The following NLGN4Y variants were observed in gnomAD, a reference collection of about 807,000 sequenced individuals.
NLGN4Y encodes neuroligin-4, Y-linked.
A neutral mutation model predicts 8.4 loss-of-function variants in NLGN4Y; 4 were observed. That is an observed-to-expected ratio of 0.48 (90% CI 0.23 to 1.09). NLGN4Y has a LOEUF of 1.09. NLGN4Y is among the 50% of genes least tolerant of loss of function. NLGN4Y has a pLI of 0.19. For synonymous variants in NLGN4Y, 35 were observed against 75.6 expected (o/e 0.46, Z 2.78); for missense variants, 90 against 192.3 (o/e 0.47, Z 3.15).
chrY:14,727,082 A>AAAAG (rs1360668478), intron 4 of NLGN4Y, among the ~76,000 whole-genome samples: 443 of 33,491 alleles, frequency 0.013, no homozygotes, highest in Non-Finnish European at 0.027. Context: ...CCAAAAAAAG[A>AAAAG]AAAGAAAGAA....
At chrY:14,596,738 T>A in intron 1 of NLGN4Y, among the ~76,000 whole-genome samples, 1 of 33,491 alleles carries the variant, frequency 3.0e-5, no homozygotes, top group Non-Finnish European at 7.4e-5. Context: ...TGCCTTTAAC[T>A]GGCTGACAGG....
intron 1 of NLGN4Y, among the ~76,000 whole-genome samples, chrY:14,559,422 G>A (rs769000861): frequency 6.0e-5 from 2 of 33,476 alleles, no homozygotes; most frequent in East Asian, 1.6e-3. Context: ...GCAGCTTTGT[G>A]AGGCCATTTC....
At chrY:14,601,757 A>G (rs2080427867) in intron 1 of NLGN4Y, among the ~76,000 whole-genome samples, 2 of 32,192 alleles carry the variant, frequency 6.2e-5, no homozygotes, top group African/African-American at 2.5e-4. Context: ...GTGAAACCCC[A>G]TCTCTACCAA....
At chrY:14,758,701 G>A (rs373803092) in intron 4 of NLGN4Y, among the ~76,000 whole-genome samples, 5 of 32,906 alleles carry the variant, frequency 1.5e-4, no homozygotes, top group South Asian at 6.9e-4. Flanking sequence ...GCATGATCAT[G>A]GTTCATTGTT....
At chrY:14,800,705 A>T in intron 4 of NLGN4Y, among the ~76,000 whole-genome samples, 1 of 31,213 alleles carries the variant, frequency 3.2e-5, no homozygotes, top group African/African-American at 1.2e-4. Context: ...TAAATGTAAT[A>T]TATATTATTT....
intron 1 of NLGN4Y, among the ~76,000 whole-genome samples, chrY:14,569,725 G>A (rs1031076435): frequency 3.0e-5 from 1 of 33,368 alleles, no homozygotes; most frequent in African/African-American, 1.2e-4. Flanking sequence ...AATATTTTAC[G>A]TTCTCACCAG....
rs747850895 is a variant in NLGN4Y, at chrY:14,840,852, G to A, written c.2101G>A (p.Val701Ile). 1 of 398,665 alleles carries A rather than the reference G, an allele frequency of 2.5e-6. No individual in the cohort carries two copies. The highest frequency in any genetic ancestry group is 3.0e-5 in the South Asian group (1 of 33,745). Residue 701 changes from valine to isoleucine, a missense_variant, in exon 7 of 7, where the codon GTC becomes ATC. This residue lies in a region of NLGN4Y where 37 missense variants were observed against 94.0 expected (regional missense o/e 0.39). Coordinates refer to ENST00000684976, the MANE Select transcript of NLGN4Y (RefSeq NM_001365588.1). ...CACCGAATTAAGTGTCACCATTGCC[G>A]TCGGGGCGTCGCTCCTCTTCCTCAA... The part of the protein sequence containing the change: ...YSTELSVTIA[V>I]GASLLFLNIL...
At chrY:14,690,970 CA>C (rs2080808036) in intron 2 of NLGN4Y, among the ~76,000 whole-genome samples, 1 of 32,846 alleles carries the variant, frequency 3.0e-5, no homozygotes, top group Non-Finnish European at 7.5e-5. Flanking sequence ...CTGACGCTGT[CA>C]GGGGTGGTGT....
At chrY:14,553,566 C>CTGTGTGTG (rs557062506) in intron 1 of NLGN4Y, among the ~76,000 whole-genome samples, 2 of 21,736 alleles carry the variant, frequency 9.2e-5, no homozygotes, top group African/African-American at 1.7e-4. Context: ...GGTACCAAAA[C>CTGTGTGTG]TGTGTGTGTG....
chrY:14,814,546 C>G, intron 4 of NLGN4Y, among the ~76,000 whole-genome samples: 1 of 33,496 alleles, frequency 3.0e-5, no homozygotes, highest in African/African-American at 1.2e-4. Context: ...AGGGGAGAAG[C>G]CATGTCACTC....
intron 6 of NLGN4Y, among the ~76,000 whole-genome samples, chrY:14,836,252 A>G (rs998243562): frequency 6.1e-5 from 2 of 32,673 alleles, no homozygotes; most frequent in Non-Finnish European, 1.5e-4. Flanking sequence ...GTAGATTAAA[A>G]CCATTTTTGT....
chrY:14,571,060 G>A, intron 1 of NLGN4Y, among the ~76,000 whole-genome samples: 1 of 32,732 alleles, frequency 3.1e-5, no homozygotes, highest in Admixed American at 2.8e-4. Context: ...ATAAACACAC[G>A]TGTTCATGTG....
At chrY:14,777,729 A>G (rs2081132327) in intron 4 of NLGN4Y, among the ~76,000 whole-genome samples, 1 of 31,276 alleles carries the variant, frequency 3.2e-5, no homozygotes, top group Non-Finnish European at 7.7e-5. Flanking sequence ...CTAGCTACAA[A>G]TGTCAGTTTA....
chrY:14,829,473 C>T, intron 5 of NLGN4Y, among the ~76,000 whole-genome samples: 1 of 32,148 alleles, frequency 3.1e-5, no homozygotes, highest in Non-Finnish European at 7.5e-5. Context: ...TACCAGTGCA[C>T]GAAAAGCCTC....
intron 4 of NLGN4Y, among the ~76,000 whole-genome samples, chrY:14,772,273 A>G: frequency 3.0e-5 from 1 of 33,507 alleles, no homozygotes; most frequent in Non-Finnish European, 7.4e-5. Context: ...ATCTGAGAAT[A>G]CTATAAACAG....
chrY:14,608,311 T>C, intron 1 of NLGN4Y, among the ~76,000 whole-genome samples: 2 of 33,610 alleles, frequency 6.0e-5, no homozygotes, highest in African/African-American at 2.3e-4. Flanking sequence ...ATTGCCTACA[T>C]TTTCTTCTAG....
intron 2 of NLGN4Y, among the ~76,000 whole-genome samples, chrY:14,688,313 T>A: frequency 3.0e-5 from 1 of 33,353 alleles, no homozygotes; most frequent in Non-Finnish European, 7.4e-5. Context: ...TGAGGCTGAA[T>A]GAAATTATCA....
chrY:14,778,399 AG>A (rs2081135029), intron 4 of NLGN4Y, among the ~76,000 whole-genome samples: 1 of 34,024 alleles, frequency 2.9e-5, no homozygotes. Context: ...AGCCCATAAA[AG>A]AAAAGACATC....
intron 2 of NLGN4Y, among the ~76,000 whole-genome samples, chrY:14,675,763 C>T (rs2080746810): frequency 3.1e-5 from 1 of 32,439 alleles, no homozygotes; most frequent in Non-Finnish European, 7.5e-5. Flanking sequence ...AGAGAGAGAA[C>T]CCACTCCTGC....
Sources: gnomAD v4.1 joint callset for allele counts (sites outside exome capture counted in the v4.1 genomes callset) on GRCh38, gnomAD v4.1.1 for gene constraint, gnomAD v4.1.1 regional missense constraint, MANE v1.5 for transcripts, NCBI Gene and HGNC (gene_info 2026-07-23, HGNC 2026-07-21) for gene names.